ELOVL5: variants seen among roughly 807,000 people sequenced by gnomAD.
The protein encoded by ELOVL5 is very long chain fatty acid elongase 5.
ELOVL5 carries 8 observed loss-of-function variants against 38.6 expected under a neutral mutation model. The ratio of observed to expected loss-of-function variants is 0.21; its 90% CI spans 0.12 to 0.37. The LOEUF is 0.37. Ranked by LOEUF, ELOVL5 falls within the 10% of genes least tolerant of loss-of-function variation. ELOVL5 has a pLI of 1.00. For synonymous variants in ELOVL5, 127 were observed against 133.7 expected (o/e 0.95, Z 0.34); for missense variants, 280 against 367.8 (o/e 0.76, Z 1.95).
intron 1 of ELOVL5, among the ~76,000 whole-genome samples, chr6:53,308,440 A>G (rs908926314): frequency 1.4e-4 from 22 of 152,206 alleles, no homozygotes; most frequent in African/African-American, 5.3e-4. Flanking sequence ...TTGATTGCTC[A>G]TTGAAACTAA....
intron 1 of ELOVL5, among the ~76,000 whole-genome samples, chr6:53,329,916 C>G (rs1768713662): frequency 6.6e-6 from 1 of 152,146 alleles, no homozygotes; most frequent in Non-Finnish European, 1.5e-5. Flanking sequence ...GTAGAATTTT[C>G]CTCTTCTGTA....
Position 53,311,964 on chromosome 6 carries a change from A to C in ELOVL5, c.-8-16257T>G, listed in dbSNP as rs904746867. ...TTTAATATTTTATACACTCAAGCCT[A>C]CTGCTAGCAATCTACACTAAGGAAA... On this transcript the variant is annotated intron_variant, in intron 1 of 7. Transcript: ENST00000304434. Among the ~76,000 whole-genome samples the C allele has an allele frequency of 3.3e-5, 5 of 151,738 alleles. No homozygotes were observed. The East Asian group carries it at 9.7e-4, about 29-fold the overall frequency.
At chr6:53,335,323 G>C (rs1406226952) in intron 1 of ELOVL5, among the ~76,000 whole-genome samples, 1 of 152,224 alleles carries the variant, frequency 6.6e-6, no homozygotes, top group Non-Finnish European at 1.5e-5. Flanking sequence ...GGGCCCATGT[G>C]ATCAGAACCC....
At position 53,269,160 on chromosome 6, in the gene ELOVL5, G is replaced by A. The variant is rs758899172; in HGVS notation, c.867C>T (p.Asn289=). ...TCCGCAGCTTCCTTGGCTTCACATT[G>A]TTTTCCAGGGGTGAAAAGCTGTTGG... is the stretch of plus-strand genomic sequence containing the variant. The part of the protein sequence containing the change: ...GHTNSFSPLE[N]NVKPRKLRKD The change falls in exon 8 of 8, where the codon AAC becomes AAT. Residue 289 remains asparagine, a synonymous_variant. Coordinates refer to ENST00000304434, the MANE Select transcript of ELOVL5 (RefSeq NM_021814.5). 3 of 1,613,908 alleles carry A rather than the reference G, an allele frequency of 1.9e-6. No homozygotes were observed. The South Asian group carries it at 3.3e-5, about 18-fold the overall frequency.
chr6:53,278,513 C>G (rs566467681), intron 3 of ELOVL5, among the ~76,000 whole-genome samples: 2 of 152,168 alleles, frequency 1.3e-5, no homozygotes, highest in African/African-American at 4.8e-5. Context: ...GTTAACCTAA[C>G]GTTCCATTTG....
chr6:53,310,303 C>G (rs1767777853), intron 1 of ELOVL5, among the ~76,000 whole-genome samples: 1 of 152,210 alleles, frequency 6.6e-6, no homozygotes. Flanking sequence ...TACTACGTAG[C>G]TGGCTTTTCA....
intron 1 of ELOVL5, among the ~76,000 whole-genome samples, chr6:53,304,715 A>C (rs1767411380): frequency 6.6e-6 from 1 of 152,166 alleles, no homozygotes; most frequent in African/African-American, 2.4e-5. Flanking sequence ...TGGACACAGC[A>C]CATGTTTCAG....
chr6:53,302,460 A>G (rs1365222111), intron 1 of ELOVL5, among the ~76,000 whole-genome samples: 1 of 152,154 alleles, frequency 6.6e-6, no homozygotes, highest in East Asian at 1.9e-4. Flanking sequence ...GGTTGGGGTT[A>G]ATGAGGAGAA....
chr6:53,283,402 G>T (rs1243678266), intron 3 of ELOVL5, among the ~76,000 whole-genome samples: 1 of 152,120 alleles, frequency 6.6e-6, no homozygotes, highest in African/African-American at 2.4e-5. Flanking sequence ...AGGAGGTAAA[G>T]AAATTTAACA....
intron 1 of ELOVL5, among the ~76,000 whole-genome samples, chr6:53,297,242 A>G (rs915690591): frequency 7.9e-5 from 12 of 152,234 alleles, no homozygotes; most frequent in African/African-American, 2.9e-4. Flanking sequence ...ACAAAACCTT[A>G]GCACAAGGTC....
chr6:53,315,914 TCA>T (rs970572568), intron 1 of ELOVL5, among the ~76,000 whole-genome samples: 2 of 152,222 alleles, frequency 1.3e-5, no homozygotes, highest in African/African-American at 4.8e-5. Flanking sequence ...ATGCATAATT[TCA>T]GTTAGAGTTC....
chr6:53,297,237 A>G (rs1424537501), intron 1 of ELOVL5, among the ~76,000 whole-genome samples: 1 of 152,100 alleles, frequency 6.6e-6, no homozygotes, highest in African/African-American at 2.4e-5. Context: ...TAGTTACAAA[A>G]CCTTAGCACA....
At chr6:53,320,368 G>A (rs558658555) in intron 1 of ELOVL5, among the ~76,000 whole-genome samples, 3 of 151,300 alleles carry the variant, frequency 2.0e-5, no homozygotes, top group South Asian at 2.1e-4. Flanking sequence ...ACATAGTTGC[G>A]CTCTGTCGCC....
intron 1 of ELOVL5, among the ~76,000 whole-genome samples, chr6:53,309,720 G>T (rs750713420): frequency 3.3e-5 from 5 of 152,198 alleles, no homozygotes; most frequent in Non-Finnish European, 5.9e-5. Flanking sequence ...GTTTCTGTCT[G>T]TGTTTCTAGG....
intron 1 of ELOVL5, among the ~76,000 whole-genome samples, chr6:53,326,696 A>G (rs945705735): frequency 6.6e-6 from 1 of 152,166 alleles, no homozygotes; most frequent in Non-Finnish European, 1.5e-5. Context: ...GTTAACATCT[A>G]AGTCCTTGAG....
chr6:53,270,769 T>C, intron 6 of ELOVL5, 42 bp from the exon 7 acceptor site: 17 of 1,609,540 alleles, frequency 1.1e-5, no homozygotes, highest in Non-Finnish European at 1.4e-5. Context: ...GGACAGTGCA[T>C]GGACGAGGCC....
chr6:53,272,890 T>C (rs978181926), intron 6 of ELOVL5, among the ~76,000 whole-genome samples: 4 of 149,750 alleles, frequency 2.7e-5, no homozygotes, highest in South Asian at 2.1e-4. Context: ...ATTTTGGATT[T>C]TGGACTATAA....
intron 1 of ELOVL5, among the ~76,000 whole-genome samples, chr6:53,305,767 C>T (rs1030393473): frequency 1.3e-5 from 2 of 151,846 alleles, no homozygotes; most frequent in Non-Finnish European, 2.9e-5. Flanking sequence ...TGATGGGCGG[C>T]CAGGCAGAGA....
intron 1 of ELOVL5, among the ~76,000 whole-genome samples, chr6:53,306,884 GGCCAGA>G (rs1216268454): frequency 6.6e-6 from 1 of 152,236 alleles, no homozygotes; most frequent in Non-Finnish European, 1.5e-5. Flanking sequence ...GGTGGGTGAA[GGCCAGA>G]TTGCTGCAGT....
Sources: gnomAD v4.1 joint callset for allele counts (sites outside exome capture counted in the v4.1 genomes callset) on GRCh38, gnomAD v4.1.1 for gene constraint, MANE v1.5 for transcripts, NCBI Gene and HGNC (gene_info 2026-07-23, HGNC 2026-07-21) for gene names.